The following MIX23 variants were observed in gnomAD, a reference collection of about 807,000 sequenced individuals.
MIX23 encodes protein MIX23.
A neutral mutation model predicts 21.6 loss-of-function variants in MIX23; 13 were observed. The observed-to-expected ratio is 0.60, with a 90% CI of 0.39 to 0.96. The LOEUF (loss-of-function observed/expected upper bound fraction) is 0.96, where lower values mean the gene tolerates loss of function less well. Among genes scored for constraint, MIX23 ranks in the 40% least tolerant of loss-of-function variants. MIX23 has a pLI of 0.00. For synonymous variants in MIX23, 59 were observed against 58.0 expected (o/e 1.02, Z -0.08); for missense variants, 144 against 171.2 (o/e 0.84, Z 0.89).
chr3:122,380,803 G>C (rs2075525489), intron 1 of MIX23, among the ~76,000 whole-genome samples: 1 of 152,202 alleles, frequency 6.6e-6, no homozygotes, highest in African/African-American at 2.4e-5. Flanking sequence ...ATATAGTAGA[G>C]AAAAAAAGTG....
chr3:122,368,017 TAATAA>T (rs2075409799), intron 3 of MIX23, 154 bp downstream of exon 3: 3 of 633,892 alleles, frequency 4.7e-6, no homozygotes, highest in African/African-American at 1.8e-5. Flanking sequence ...TAACTAAACA[TAATAA>T]AATAAAGCTC....
At chr3:122,361,276 A>T (rs1168382004) in intron 4 of MIX23, among the ~76,000 whole-genome samples, 1 of 152,196 alleles carries the variant, frequency 6.6e-6, no homozygotes, top group Non-Finnish European at 1.5e-5. Context: ...AAATATGTAG[A>T]AATTATATAG....
chr3:122,367,142 AGAG>A (rs2075403053), intron 3 of MIX23, among the ~76,000 whole-genome samples: 1 of 151,836 alleles, frequency 6.6e-6, no homozygotes, highest in Non-Finnish European at 1.5e-5. Flanking sequence ...GGAAGGATGA[AGAG>A]AAGGAGAGAG....
At position 122,359,830 on chromosome 3, in the gene MIX23, TAAAAAA is replaced by T. The variant is rs527562300; in HGVS notation, c.*33_*38del. The T allele has an allele frequency of 1.8e-4, 177 of 1,007,718 alleles. No individual in the cohort carries two copies. In the African/African-American group the frequency reaches 2.3e-3, roughly 13 times the overall value. The allele number at this position is 1,007,718 out of a possible 1,614,324, so 62.4% of individuals were successfully genotyped here. A position where few individuals can be genotyped will look rare whatever the true frequency, so the allele number is the denominator to read the frequency against. On this transcript the variant is annotated 3_prime_UTR_variant, in exon 5 of 5. Transcript: ENST00000291458. ...AGCTCTTATGAGATGACCCAGTCCT[TAAAAAA>T]AAAAAAAAAAAAAAAAAAAAAAGAA...
chr3:122,368,468 G>T, intron 2 of MIX23, 146 bp from the exon 3 acceptor site: 1 of 839,008 alleles, frequency 1.2e-6, no homozygotes, highest in Non-Finnish European at 1.8e-6. Flanking sequence ...AGAGAAGATT[G>T]TGTTGAATCA....
chr3:122,367,939 T>G (rs1269770536), intron 3 of MIX23: 1 of 500,258 alleles, frequency 2.0e-6, no homozygotes, highest in East Asian at 3.8e-5. Context: ...AAATTATGAC[T>G]GTGCTTATTT....
At chr3:122,363,283 C>T (rs566160620) in intron 3 of MIX23, among the ~76,000 whole-genome samples, 1 of 148,600 alleles carries the variant, frequency 6.7e-6, no homozygotes, top group Admixed American at 6.6e-5. Flanking sequence ...AAAAAATATC[C>T]CAAGGCCAGT....
intron 1 of MIX23, among the ~76,000 whole-genome samples, chr3:122,377,748 T>G (rs892251221): frequency 6.6e-6 from 1 of 152,268 alleles, no homozygotes. Context: ...CTTGGGATGC[T>G]GGGGCAGAAG....
intron 3 of MIX23, chr3:122,365,724 A>G (rs1268726831): frequency 6.6e-6 from 1 of 152,194 alleles, no homozygotes; most frequent in African/African-American, 2.4e-5. Context: ...TTTGCTCTCC[A>G]CTAATGAGTC....
At chr3:122,363,568 A>G (rs1230961545) in intron 3 of MIX23, among the ~76,000 whole-genome samples, 1 of 151,840 alleles carries the variant, frequency 6.6e-6, no homozygotes, top group Non-Finnish European at 1.5e-5. Context: ...GATTGATCAT[A>G]CAACTACAGA....
Position 122,360,128 on chromosome 3 carries a change from A to G in MIX23, c.385-209T>C, listed in dbSNP as rs138047526. 6.5e-3 allele frequency among the ~76,000 whole-genome samples: 994 copies of G among 152,264 alleles called. 7 individuals carry two copies. The highest frequency in any genetic ancestry group is 0.014 in the Middle Eastern group (4 of 294). Reference sequence around the variant, plus strand: ...GGCCTTGACATCCATTTACAAGACAATTCTAGTATTTTAATAAAATTTAAG... The same window carrying G: ...GGCCTTGACATCCATTTACAAGACAGTTCTAGTATTTTAATAAAATTTAAG... On this transcript the variant is annotated intron_variant, in intron 4 of 4. Transcript: ENST00000291458.
intron 1 of MIX23, among the ~76,000 whole-genome samples, chr3:122,375,276 G>C (rs149748912): frequency 9.7e-4 from 148 of 152,282 alleles, no homozygotes; most frequent in African/African-American, 3.4e-3. Context: ...TGACTTCCAG[G>C]CTTGGGGCCT....
Position 122,371,792 on chromosome 3 carries a change from G to T in MIX23, c.60C>A (p.Leu20=). The change falls in exon 2 of 5, where the codon CTC becomes CTA. Residue 20 remains leucine, a synonymous_variant. Transcript: ENST00000291458. ...TGTCATCAATTGTCCTCATCACCTT[G>T]AGTAATTCCTATATGTATTTAAAAT... ...CEEFAEFQEL[L]KVMRTIDDRI... The T allele has an allele frequency of 4.4e-6, 7 of 1,597,472 alleles. No individual in the cohort carries two copies. Among genetic ancestry groups the T allele is most frequent in the Non-Finnish European group, 6.0e-6 (7 of 1,165,950 alleles).
intron 1 of MIX23, 32 bp from the exon 2 acceptor site, chr3:122,371,832 C>T (rs1376721509): frequency 1.3e-6 from 2 of 1,521,798 alleles, no homozygotes. Context: ...GAATATAACC[C>T]AAATGGAAAG....
At chr3:122,363,068 G>A in intron 3 of MIX23, 41 bp from the exon 4 acceptor site, 1 of 1,535,122 alleles carries the variant, frequency 6.5e-7, no homozygotes, top group Non-Finnish European at 8.9e-7. Flanking sequence ...AATTTAAAGA[G>A]CAAGAAAAAA....
chr3:122,375,165 A>G (rs2107684974), intron 1 of MIX23, among the ~76,000 whole-genome samples: 1 of 152,340 alleles, frequency 6.6e-6, no homozygotes, highest in South Asian at 2.1e-4. Flanking sequence ...AACTGGTAGC[A>G]GTAGAATTAA....
intron 1 of MIX23, among the ~76,000 whole-genome samples, chr3:122,382,503 G>A (rs545009120): frequency 6.6e-6 from 1 of 152,282 alleles, no homozygotes; most frequent in East Asian, 1.9e-4. Flanking sequence ...ATTCAACTTT[G>A]TAACTAAACA....
At chr3:122,379,103 G>A (rs1390362202) in intron 1 of MIX23, among the ~76,000 whole-genome samples, 1 of 152,106 alleles carries the variant, frequency 6.6e-6, no homozygotes, top group Non-Finnish European at 1.5e-5. Context: ...TGTCACAGAA[G>A]AGATACCAGA....
intron 1 of MIX23, among the ~76,000 whole-genome samples, chr3:122,372,055 T>C (rs2075445531): frequency 6.6e-6 from 1 of 152,066 alleles, no homozygotes; most frequent in South Asian, 2.1e-4. Flanking sequence ...TAAGACTGTT[T>C]TACTCATGTT....
Sources: allele counts gnomAD v4.1 joint callset (sites outside exome capture counted in the v4.1 genomes callset), GRCh38; gene constraint gnomAD v4.1.1; transcripts MANE v1.5; gene names NCBI Gene and HGNC (gene_info 2026-07-23, HGNC 2026-07-21).